The following MTUS2 variants were observed in gnomAD, a reference collection of about 807,000 sequenced individuals.
MTUS2 encodes microtubule-associated tumor suppressor candidate 2.
MTUS2 carries 40 observed loss-of-function variants against 114.1 expected under a neutral mutation model. That is an observed-to-expected ratio of 0.35 (90% confidence interval 0.27 to 0.46). The LOEUF (loss-of-function observed/expected upper bound fraction) is 0.46, where lower values mean the gene tolerates loss of function less well. Ranked by LOEUF, MTUS2 falls within the 20% of genes least tolerant of loss-of-function variation. MTUS2 has a pLI of 1.00. For missense variants in MTUS2, 1,679 were observed against 1,705.4 expected, an observed-to-expected ratio of 0.98 and a Z score of 0.27; for synonymous variants, 688 against 672.0, an observed-to-expected ratio of 1.02 and a Z score of -0.37.
rs1012366592 is a variant in MTUS2, at chr13:29,026,368, A to T, written c.1670A>T (p.Asp557Val). Reference protein sequence around the residue: ...QPTTPSSSFQDVSVFGMDAGS... With the variant: ...QPTTPSSSFQVVSVFGMDAGS... The stretch of plus-strand genomic sequence containing the variant: ...ACAACACCCAGTAGCAGTTTTCAGG[A>T]TGTTAGCGTGTTCGGTATGGATGCG... The change falls in exon 3 of 16, where the codon GAT (aspartate) becomes GTT (valine). Residue 557 changes from aspartate (D) to valine (V), a missense_variant. Coordinates refer to ENST00000612955, the MANE Select transcript of MTUS2 (RefSeq NM_001033602.4). 8 of 1,613,766 alleles carry T rather than the reference A, an allele frequency of 5.0e-6. No homozygotes were observed. The highest frequency in any genetic ancestry group is 3.3e-5 in the Admixed American group (2 of 59,986).
chr13:29,201,880 G>T (rs1041393003), intron 5 of MTUS2, among the ~76,000 whole-genome samples: 1 of 152,206 alleles, frequency 6.6e-6, no homozygotes, highest in Non-Finnish European at 1.5e-5. Flanking sequence ...TCTGCTGTTA[G>T]TCTGATGGGC....
At chr13:29,364,666 T>A (rs1183972176) in intron 8 of MTUS2, among the ~76,000 whole-genome samples, 3 of 152,220 alleles carry the variant, frequency 2.0e-5, no homozygotes, top group African/African-American at 7.2e-5. Flanking sequence ...CAGGGATTCA[T>A]CAGAATGAAT....
At chr13:29,346,361 G>A (rs1403262891) in intron 7 of MTUS2, among the ~76,000 whole-genome samples, 1 of 152,118 alleles carries the variant, frequency 6.6e-6, no homozygotes, top group Non-Finnish European at 1.5e-5. Flanking sequence ...GACTCTCCTT[G>A]GTAGAGGGGG....
chr13:28,866,141 C>T (rs969733087), intron 2 of MTUS2, among the ~76,000 whole-genome samples: 2 of 152,136 alleles, frequency 1.3e-5, no homozygotes, highest in Admixed American at 6.5e-5. Flanking sequence ...TGCTAATTAG[C>T]GAGAAGGTGT....
intron 5 of MTUS2, among the ~76,000 whole-genome samples, chr13:29,133,446 C>G (rs755210872): frequency 2.0e-5 from 3 of 152,054 alleles, no homozygotes; most frequent in Non-Finnish European, 2.9e-5. Context: ...TGTGGTGAAG[C>G]TTTTGTCCTG....
chr13:28,931,103 C>T (rs902309962), intron 2 of MTUS2, among the ~76,000 whole-genome samples: 1 of 152,208 alleles, frequency 6.6e-6, no homozygotes, highest in Non-Finnish European at 1.5e-5. Flanking sequence ...ATTCTGTTCC[C>T]TGGCCCTGGC....
chr13:29,414,918 T>C (rs1215074811), intron 8 of MTUS2, among the ~76,000 whole-genome samples: 1 of 151,806 alleles, frequency 6.6e-6, no homozygotes, highest in African/African-American at 2.4e-5. Flanking sequence ...CTTATGAAAG[T>C]GTTTCATTCT....
At chr13:28,853,059 A>G (rs2138036970) in intron 2 of MTUS2, among the ~76,000 whole-genome samples, 1 of 125,174 alleles carries the variant, frequency 8.0e-6, no homozygotes, top group Non-Finnish European at 1.8e-5. Flanking sequence ...AAAAGGTCTG[A>G]GATTGTATTC....
intron 2 of MTUS2, among the ~76,000 whole-genome samples, chr13:28,958,494 G>C (rs1453278053): frequency 6.6e-6 from 1 of 152,226 alleles, no homozygotes; most frequent in Non-Finnish European, 1.5e-5. Context: ...TGTATATGAA[G>C]TGAAGAGTCT....
At chr13:29,255,761 A>G (rs1194444913) in intron 5 of MTUS2, among the ~76,000 whole-genome samples, 1 of 152,128 alleles carries the variant, frequency 6.6e-6, no homozygotes, top group Admixed American at 6.5e-5. Context: ...GAGCAGGGAC[A>G]GTGCTACCTA....
chr13:29,389,397 A>ATATGTATACACGTGTGTATATGTG (rs1566172827), intron 8 of MTUS2, among the ~76,000 whole-genome samples: 2 of 22,514 alleles, frequency 8.9e-5, no homozygotes, highest in African/African-American at 2.9e-4. Flanking sequence ...ACGTGTGTGT[A>ATATGTATACACGTGTGTATATGTG]TATATGTATA....
chr13:28,959,266 CT>C (rs758725562), intron 2 of MTUS2, among the ~76,000 whole-genome samples: 28 of 152,218 alleles, frequency 1.8e-4, no homozygotes, highest in Admixed American at 7.9e-4. Context: ...CCACTTCCAC[CT>C]GTGCCGGTGA....
chr13:28,857,002 G>A (rs1876673509), intron 2 of MTUS2, among the ~76,000 whole-genome samples: 1 of 152,172 alleles, frequency 6.6e-6, no homozygotes, highest in Non-Finnish European at 1.5e-5. Context: ...GAGCGGTTGC[G>A]CACATTCACC....
chr13:29,164,095 T>C (rs568253332), intron 5 of MTUS2, among the ~76,000 whole-genome samples: 1 of 152,330 alleles, frequency 6.6e-6, no homozygotes, highest in African/African-American at 2.4e-5. Context: ...GAAAGAATTG[T>C]TGTGCGGTAT....
At chr13:29,087,778 G>T (rs1889756451) in intron 4 of MTUS2, among the ~76,000 whole-genome samples, 1 of 152,118 alleles carries the variant, frequency 6.6e-6, no homozygotes, top group South Asian at 2.1e-4. Context: ...GCATTTTCTG[G>T]CCAGGTGCAG....
chr13:28,840,393 A>G (rs981758212), intron 2 of MTUS2, among the ~76,000 whole-genome samples: 1 of 152,224 alleles, frequency 6.6e-6, no homozygotes, highest in African/African-American at 2.4e-5. Context: ...AGCTTTTCTG[A>G]GGGCTGCTGC....
chr13:29,363,114 G>A (rs891689424), intron 8 of MTUS2, among the ~76,000 whole-genome samples: 4 of 151,972 alleles, frequency 2.6e-5, no homozygotes, highest in African/African-American at 4.8e-5. Context: ...ACGGACTCGC[G>A]CTCCTTAGGG....
At chr13:29,141,967 C>G (rs1892240795) in intron 5 of MTUS2, among the ~76,000 whole-genome samples, 1 of 150,796 alleles carries the variant, frequency 6.6e-6, no homozygotes, top group South Asian at 2.1e-4. Context: ...TCACACCATT[C>G]TACTGCCTCA....
At chr13:29,460,423 G>C (rs141677968) in intron 9 of MTUS2, among the ~76,000 whole-genome samples, 45 of 152,190 alleles carry the variant, frequency 3.0e-4, no homozygotes, top group Middle Eastern at 6.8e-3. Context: ...TAAAGCGCAG[G>C]CATCAGCAAC....
Sources: allele counts gnomAD v4.1 joint callset (sites outside exome capture counted in the v4.1 genomes callset), GRCh38; gene constraint gnomAD v4.1.1; transcripts MANE v1.5; gene names NCBI Gene and HGNC (gene_info 2026-07-23, HGNC 2026-07-21).